Variants in RSPO1 observed in about 807,000 individuals in gnomAD.
RSPO1 encodes the protein R-spondin 1.
RSPO1 carries 18 observed loss-of-function variants against 26.0 expected under a neutral mutation model. The observed-to-expected ratio is 0.69, with a 90% CI of 0.48 to 1.03. The LOEUF is 1.03. Ranked by LOEUF, RSPO1 falls within the 50% of genes least tolerant of loss-of-function variation. The probability of loss-of-function intolerance (pLI) is 0.00; values close to 1 mark genes in which losing one functional copy is unlikely to be tolerated. For synonymous variants in RSPO1, 133 were observed against 137.4 expected (o/e 0.97, Z 0.22); for missense variants, 309 against 352.3 (o/e 0.88, Z 0.98).
chr1:37,623,225 G>A (rs1166378379), intron 3 of RSPO1, among the ~76,000 whole-genome samples: 1 of 150,172 alleles, frequency 6.7e-6, no homozygotes, highest in Non-Finnish European at 1.5e-5. Context: ...GAGGCAGTGA[G>A]GGGATGGGGG....
chr1:37,627,955 G>A (rs1644303202), intron 3 of RSPO1, among the ~76,000 whole-genome samples: 1 of 152,206 alleles, frequency 6.6e-6, no homozygotes, highest in Admixed American at 6.5e-5. Context: ...GTGGCCATAT[G>A]AAAAGCGAGC....
chr1:37,627,290 C>T lies in RSPO1; in HGVS notation c.94+2278G>A, dbSNP rs1250843291. Among the ~76,000 whole-genome samples the T allele has an allele frequency of 6.6e-5, 10 of 152,108 alleles. No homozygotes were observed. The South Asian group carries it at 1.2e-3, about 19-fold the overall frequency. The stretch of plus-strand genomic sequence containing the variant: ...ACAGCTGTCTTGGTCTTCCTTCTTC[C>T]CTTCCCTACTCCCCCAGAATCAGTA... On this transcript the variant is annotated intron_variant, in intron 3 of 6. Transcript: ENST00000356545.
At position 37,623,755 on chromosome 1, in the gene RSPO1, TCC is replaced by T. The variant is rs528126902; in HGVS notation, c.94+5811_94+5812del. Among the ~76,000 whole-genome samples the T allele has an allele frequency of 3.6e-3, 533 of 147,058 alleles. 2 individuals carry two copies. Among genetic ancestry groups the T allele is most frequent in the African/African-American group, 0.013 (500 of 39,626 alleles). On this transcript the variant is annotated intron_variant, in intron 3 of 6. Coordinates refer to ENST00000356545, the MANE Select transcript of RSPO1 (RefSeq NM_001242908.2). Reference sequence around the variant, plus strand: ...AACATAGAGCTTTATATATTCTCTCTCCCTCTCTTTTTTTTTTTTTTTGAAAT... The same window carrying T: ...AACATAGAGCTTTATATATTCTCTCTCTCTCTTTTTTTTTTTTTTTGAAAT...
chr1:37,614,050 A>G, intron 5 of RSPO1, 134 bp downstream of exon 5: 1 of 1,317,666 alleles, frequency 7.6e-7, no homozygotes, highest in South Asian at 1.3e-5. Flanking sequence ...AAGTCCTTGG[A>G]GACTCAGAAA....
At chr1:37,616,019 C>T (rs1644105816) in intron 4 of RSPO1, among the ~76,000 whole-genome samples, 1 of 152,136 alleles carries the variant, frequency 6.6e-6, no homozygotes, top group Admixed American at 6.5e-5. Context: ...GGGTGTGTGT[C>T]TCAGAAGCGT....
At chr1:37,623,581 C>T (rs773329320) in intron 3 of RSPO1, among the ~76,000 whole-genome samples, 102 of 152,012 alleles carry the variant, frequency 6.7e-4, no homozygotes, top group Non-Finnish European at 1.1e-3. Flanking sequence ...TATCCTGGAT[C>T]GACCATGGCA....
chr1:37,630,431 C>G (rs1261378632), intron 2 of RSPO1, among the ~76,000 whole-genome samples: 1 of 152,230 alleles, frequency 6.6e-6, no homozygotes, highest in Non-Finnish European at 1.5e-5. Context: ...AGCAGTGGCC[C>G]CCGGCAAGCT....
At position 37,634,104 on chromosome 1, in the gene RSPO1, A is replaced by G. The variant is rs1402729041; in HGVS notation, c.-356+462T>C. ...AGGGAGCCGCGCCACTTCGCTGCGCACCGGGGGCCGCAGCGCATGCCGCCT... is the reference window on the plus strand; with the variant it reads ...AGGGAGCCGCGCCACTTCGCTGCGCGCCGGGGGCCGCAGCGCATGCCGCCT... On this transcript the variant is annotated intron_variant, in intron 1 of 6. Transcript: ENST00000356545. This position sits in a 1 kb window ranked among gnomAD's most constrained non-coding sequence, Gnocchi z 4.7. Among the ~76,000 whole-genome samples the G allele has an allele frequency of 6.6e-6, 1 of 152,086 alleles. No individual in the cohort carries two copies. Among genetic ancestry groups the G allele is most frequent in the Non-Finnish European group, 1.5e-5 (1 of 68,020 alleles).
At chr1:37,632,724 C>T (rs1402024179) in intron 1 of RSPO1, among the ~76,000 whole-genome samples, 2 of 152,228 alleles carry the variant, frequency 1.3e-5, no homozygotes, top group Non-Finnish European at 2.9e-5. Flanking sequence ...AGCACCAAGC[C>T]TCAGAGGGCC....
chr1:37,611,740 T>C lies in RSPO1; in HGVS notation c.*1015A>G, dbSNP rs905599307. 1.8e-4 allele frequency: 19 copies of C among 103,230 alleles called. No homozygotes were observed. The highest frequency in any genetic ancestry group is 1.0e-4 in the Non-Finnish European group (5 of 49,598). The allele number at this position is 103,230 out of a possible 1,614,324, so 6.4% of individuals were successfully genotyped here. A position where few individuals can be genotyped will look rare whatever the true frequency, so the allele number is the denominator to read the frequency against. ...CTCCCAGATGGAAAGTCCTCCTTTATAGCTGACCAGAATCCCTCCTGCTGC... is the reference window on the plus strand; with the variant it reads ...CTCCCAGATGGAAAGTCCTCCTTTACAGCTGACCAGAATCCCTCCTGCTGC... On this transcript the variant is annotated 3_prime_UTR_variant, in exon 7 of 7. Coordinates refer to ENST00000356545, the MANE Select transcript of RSPO1 (RefSeq NM_001242908.2).
rs187103668 is a variant in RSPO1 at position 37,625,949 on chromosome 1, A to C, written c.94+3619T>G. Among the ~76,000 whole-genome samples, 477 of 152,246 alleles carry C rather than the reference A, an allele frequency of 3.1e-3. 1 individual carries two copies. Among genetic ancestry groups the C allele is most frequent in the African/African-American group, 0.011 (451 of 41,526 alleles). On this transcript the variant is annotated intron_variant, in intron 3 of 6. Coordinates refer to ENST00000356545, the MANE Select transcript of RSPO1 (RefSeq NM_001242908.2). ...CGCCTCAGCCTCCCAAAGTGCTGGG[A>C]TTACAGGCGTGAGCCACCATGCCAA... is the stretch of plus-strand genomic sequence containing the variant.
chr1:37,625,068 C>T (rs1461239227), intron 3 of RSPO1, among the ~76,000 whole-genome samples: 1 of 152,252 alleles, frequency 6.6e-6, no homozygotes, highest in Admixed American at 6.5e-5. Flanking sequence ...ATCTCACCTC[C>T]CTGCAAAGTC....
At chr1:37,612,990 C>A in intron 6 of RSPO1, 69 bp from the exon 7 acceptor site, 1 of 1,564,474 alleles carries the variant, frequency 6.4e-7, no homozygotes, top group Non-Finnish European at 8.8e-7. Flanking sequence ...TGGCCACAGG[C>A]CCTAGGAGGG....
intron 3 of RSPO1, among the ~76,000 whole-genome samples, chr1:37,619,054 T>A (rs1644160741): frequency 6.6e-6 from 1 of 152,158 alleles, no homozygotes; most frequent in Non-Finnish European, 1.5e-5. Context: ...AAACCCCATC[T>A]GTACTAAAGA....
rs1422780096 is a variant in RSPO1 at position 37,634,861 on chromosome 1, C to G, written c.-651G>C. On this transcript the variant is annotated 5_prime_UTR_variant, in exon 1 of 7. Transcript: ENST00000356545. The surrounding 1 kb of genome is among the most constrained non-coding windows in gnomAD (Gnocchi z 4.7). The stretch of plus-strand genomic sequence containing the variant: ...TGCGCTGGTGCTCTCCGTCGCGCCT[C>G]CGCTCGGCCGGAGCTCCCAGCCCGG... The G allele has an allele frequency of 6.6e-6, 1 of 152,278 alleles. No homozygotes were observed. The highest frequency in any genetic ancestry group is 6.5e-5 in the Admixed American group (1 of 15,290). The allele number at this position is 152,278 out of a possible 1,614,324, so 9.4% of individuals were successfully genotyped here.
intron 3 of RSPO1, among the ~76,000 whole-genome samples, chr1:37,619,464 A>G (rs1163209073): frequency 6.6e-6 from 1 of 152,240 alleles, no homozygotes; most frequent in Non-Finnish European, 1.5e-5. Flanking sequence ...TCCACTCCGG[A>G]CAACTGCTGG....
At chr1:37,616,405 C>CTCT in intron 4 of RSPO1, 79 bp downstream of exon 4, 1 of 1,397,860 alleles carries the variant, frequency 7.2e-7, no homozygotes, top group Non-Finnish European at 1.0e-6. Flanking sequence ...CTCTTGCCAG[C>CTCT]CACCAATGGT....
chr1:37,618,946 G>A (rs1644158643), intron 3 of RSPO1, among the ~76,000 whole-genome samples: 1 of 152,232 alleles, frequency 6.6e-6, no homozygotes, highest in Non-Finnish European at 1.5e-5. Flanking sequence ...CAGCGGCCGG[G>A]TGCAGTAGCT....
rs149409451 is a variant in RSPO1, at chr1:37,615,685, C to T, written c.286+799G>A. On this transcript the variant is annotated intron_variant, in intron 4 of 6. Coordinates refer to ENST00000356545, the MANE Select transcript of RSPO1 (RefSeq NM_001242908.2). ...TGGTGGGGGCACTGGCATTGTCCCCCGAGTGTGTTCACACGTGTCCCCCAG... is the reference window on the plus strand; with the variant it reads ...TGGTGGGGGCACTGGCATTGTCCCCTGAGTGTGTTCACACGTGTCCCCCAG... 3.3e-5 allele frequency among the ~76,000 whole-genome samples: 5 copies of T among 152,344 alleles called. No individual in the cohort carries two copies. The East Asian group carries it at 9.6e-4, about 29-fold the overall frequency.
Sources: gnomAD v4.1 joint callset for allele counts (sites outside exome capture counted in the v4.1 genomes callset) on GRCh38, gnomAD v4.1.1 for gene constraint, Gnocchi (gnomAD v3.1) non-coding constraint, MANE v1.5 for transcripts, NCBI Gene and HGNC (gene_info 2026-07-23, HGNC 2026-07-21) for gene names.